The following BORCS5 variants were observed in gnomAD, a reference collection of about 807,000 sequenced individuals.
BORCS5 encodes BLOC-1 related complex subunit 5, also known as BLOC-1-related complex subunit 5.
A neutral mutation model predicts 22.1 loss-of-function variants in BORCS5; 17 were observed. The observed-to-expected ratio is 0.77, with a 90% confidence interval of 0.53 to 1.15. The LOEUF (loss-of-function observed/expected upper bound fraction) is 1.15, where lower values mean the gene tolerates loss of function less well. Ranked by LOEUF, BORCS5 falls within the 50% of genes most tolerant of loss-of-function variation. BORCS5 has a pLI of 0.00. For synonymous variants in BORCS5, 117 were observed against 99.8 expected (o/e 1.17, Z -1.03); for missense variants, 247 against 253.2 (o/e 0.98, Z 0.17).
chr12:12,385,268 A>G (rs1863856137), intron 2 of BORCS5, among the ~76,000 whole-genome samples: 1 of 151,406 alleles, frequency 6.6e-6, no homozygotes, highest in Non-Finnish European at 1.5e-5. Flanking sequence ...ACCTCGTGTT[A>G]GTATAGCTTT....
intron 2 of BORCS5, among the ~76,000 whole-genome samples, chr12:12,362,394 A>AGT (rs1863306351): frequency 6.6e-6 from 1 of 152,182 alleles, no homozygotes; most frequent in Admixed American, 6.5e-5. Context: ...CTGTTTCATA[A>AGT]ATAAGGAAAT....
At chr12:12,414,233 C>T (rs1482329132) in intron 2 of BORCS5, among the ~76,000 whole-genome samples, 9 of 73,520 alleles carry the variant, frequency 1.2e-4, no homozygotes, top group African/African-American at 1.2e-4. Flanking sequence ...CCCTCCCGGA[C>T]GGGGCGGCTG....
chr12:12,433,785 G>T (rs1942488696), intron 2 of BORCS5, among the ~76,000 whole-genome samples: 1 of 152,186 alleles, frequency 6.6e-6, no homozygotes, highest in Non-Finnish European at 1.5e-5. Flanking sequence ...GCCTAGCAGT[G>T]CCTCGGGTTC....
chr12:12,400,309 C>G (rs1462665737), intron 2 of BORCS5, among the ~76,000 whole-genome samples: 3 of 152,128 alleles, frequency 2.0e-5, no homozygotes, highest in Non-Finnish European at 2.9e-5. Context: ...ATTGTCTGGC[C>G]TTGGTAACTC....
chr12:12,438,687 G>T (rs983071885), intron 3 of BORCS5, among the ~76,000 whole-genome samples: 10 of 152,052 alleles, frequency 6.6e-5, no homozygotes, highest in Non-Finnish European at 1.5e-4. Context: ...GAACCTTAAT[G>T]TACTCATTAC....
chr12:12,464,215 T>TC (rs1407067970), intron 3 of BORCS5, among the ~76,000 whole-genome samples: 1 of 141,542 alleles, frequency 7.1e-6, no homozygotes, highest in South Asian at 2.2e-4. Context: ...TTTTTTTTTT[T>TC]CTCTTCTCCT....
chr12:12,387,689 C>G (rs899506104), intron 2 of BORCS5, among the ~76,000 whole-genome samples: 3 of 151,406 alleles, frequency 2.0e-5, no homozygotes, highest in Non-Finnish European at 4.4e-5. Context: ...CAGCCACATG[C>G]ACTTGAGTCA....
Position 12,466,066 on chromosome 12 carries a change from AG to A in BORCS5, c.*291del, listed in dbSNP as rs1943196609. On this transcript the variant is annotated 3_prime_UTR_variant, in exon 4 of 4. Transcript: ENST00000314565. Reference sequence around the variant, plus strand: ...TCTGCATTGAGAATTATTTTTATTTAGTTTTTTTTTTTTTTTAATTGAGAGT... The same window carrying A: ...TCTGCATTGAGAATTATTTTTATTTATTTTTTTTTTTTTTTAATTGAGAGT... 2.6e-5 allele frequency: 5 copies of A among 195,084 alleles called. 1 individual carries two copies. Among genetic ancestry groups the A allele is most frequent in the South Asian group, 2.1e-4 (2 of 9,630 alleles). 12.1% of individuals were successfully genotyped at this position (195,084 alleles called of 1,614,324 possible).
Position 12,357,423 on chromosome 12 carries a change from GT to G in BORCS5, c.-27del. 6.2e-7 allele frequency: 1 copy of G among 1,601,214 alleles called. No homozygotes were observed. Among genetic ancestry groups the G allele is most frequent in the South Asian group, 1.1e-5 (1 of 90,540 alleles). ...CGGAGCGGTGACCGCCCGGCCCGCC[GT>G]TCTTCTGCTGCCACCGCTGTCGGCA... On this transcript the variant is annotated 5_prime_UTR_variant, in exon 1 of 4. Transcript: ENST00000314565.
chr12:12,454,225 C>T (rs1388396141), intron 3 of BORCS5, among the ~76,000 whole-genome samples: 1 of 152,162 alleles, frequency 6.6e-6, no homozygotes. Context: ...TGTATAGTAA[C>T]TTTATGTTTA....
At chr12:12,438,127 T>A (rs1230635534) in intron 3 of BORCS5, among the ~76,000 whole-genome samples, 1 of 152,016 alleles carries the variant, frequency 6.6e-6, no homozygotes, top group Non-Finnish European at 1.5e-5. Context: ...GGCTTTTTGA[T>A]GCTTATTCTT....
intron 1 of BORCS5, 99 bp downstream of exon 1, chr12:12,357,608 A>C: frequency 2.3e-6 from 3 of 1,320,140 alleles, no homozygotes; most frequent in Non-Finnish European, 3.1e-6. Flanking sequence ...ACGGGAACGC[A>C]CAGAAAAAGC....
chr12:12,359,824 G>A (rs900706289), intron 1 of BORCS5, among the ~76,000 whole-genome samples: 3 of 152,108 alleles, frequency 2.0e-5, no homozygotes. Context: ...GTGTCGCAGA[G>A]ATGGGCCTTG....
chr12:12,387,694 G>C (rs1863912698), intron 2 of BORCS5, among the ~76,000 whole-genome samples: 1 of 151,356 alleles, frequency 6.6e-6, no homozygotes, highest in African/African-American at 2.4e-5. Context: ...ACATGCACTT[G>C]AGTCATATCG....
chr12:12,460,630 G>C (rs180863648), intron 3 of BORCS5, among the ~76,000 whole-genome samples: 5 of 152,306 alleles, frequency 3.3e-5, no homozygotes, highest in Admixed American at 3.3e-4. Context: ...TTTCATAGAT[G>C]CACTTTATCA....
At chr12:12,435,963 A>G (rs1942546761) in intron 3 of BORCS5, 178 bp downstream of exon 3, 6 of 574,396 alleles carry the variant, frequency 1.0e-5, no homozygotes, top group South Asian at 2.5e-5. Context: ...TAGAGTTTGA[A>G]TTCTGATCAC....
Position 12,381,853 on chromosome 12 carries a change from A to G in BORCS5, c.202+20504A>G, listed in dbSNP as rs1034050509. Among the ~76,000 whole-genome samples the G allele has an allele frequency of 7.3e-5, 11 of 151,274 alleles. 1 individual carries two copies. Among genetic ancestry groups the G allele is most frequent in the African/African-American group, 2.7e-4 (11 of 41,182 alleles). ...TACTGATTTTGTCTTTAGTTTTATC[A>G]ATTGAGAGTGAGGTACTGAATTATT... On this transcript the variant is annotated intron_variant, in intron 2 of 3. Transcript: ENST00000314565.
At chr12:12,382,990 ATAGT>A (rs1412539373) in intron 2 of BORCS5, among the ~76,000 whole-genome samples, 2 of 151,372 alleles carry the variant, frequency 1.3e-5, no homozygotes, top group Non-Finnish European at 3.0e-5. Flanking sequence ...CACTTTTAAT[ATAGT>A]TATTGATCTG....
chr12:12,363,507 G>A (rs1404967066), intron 2 of BORCS5, among the ~76,000 whole-genome samples: 1 of 152,098 alleles, frequency 6.6e-6, no homozygotes, highest in East Asian at 1.9e-4. Context: ...AGGCCAAGGC[G>A]GGTGGATCAT....
Sources: allele counts gnomAD v4.1 joint callset (sites outside exome capture counted in the v4.1 genomes callset), GRCh38; gene constraint gnomAD v4.1.1; transcripts MANE v1.5; gene names NCBI Gene and HGNC (gene_info 2026-07-23, HGNC 2026-07-21).